The following SERPINE2 variants were observed in gnomAD, a reference collection of about 807,000 sequenced individuals.
SERPINE2 encodes the protein serpin family E member 2, also known as glia-derived nexin.
In SERPINE2, 14 loss-of-function variants were observed where a neutral mutation model predicts 36.3. The ratio of observed to expected loss-of-function variants is 0.39; its 90% CI spans 0.25 to 0.60. The LOEUF (loss-of-function observed/expected upper bound fraction) is 0.60, where lower values mean the gene tolerates loss of function less well. Among genes scored for constraint, SERPINE2 ranks in the 20% least tolerant of loss-of-function variants. SERPINE2 has a pLI of 0.57. For missense variants in SERPINE2, 418 were observed against 499.6 expected (o/e 0.84, Z 1.56); for synonymous variants, 192 against 191.8 (o/e 1.00, Z -0.01).
At chr2:223,996,859 T>C (rs1383317027) in intron 3 of SERPINE2, among the ~76,000 whole-genome samples, 2 of 152,170 alleles carry the variant, frequency 1.3e-5, no homozygotes, top group African/African-American at 4.8e-5. Context: ...AGAGGACTGC[T>C]TGAACCCAAG....
Position 223,982,654 on chromosome 2 carries a change from T to C in SERPINE2, c.985+27A>G, listed in dbSNP as rs776091860. ...CAGTTTGTAACACTTTCTTCAAGTA[T>C]ACAAATACATTTTAAATTGAACATA... is the stretch of plus-strand genomic sequence containing the variant. On this transcript the variant is annotated intron_variant, in intron 6 of 8. Transcript: ENST00000409304. 1.9e-5 allele frequency: 26 copies of C among 1,358,138 alleles called. 2 individuals are homozygous for C. The highest frequency in any genetic ancestry group is 1.1e-6 in the Non-Finnish European group (1 of 949,740). 84.1% of individuals were successfully genotyped at this position (1,358,138 alleles called of 1,614,324 possible). A position where few individuals can be genotyped will look rare whatever the true frequency, so the allele number is the denominator to read the frequency against.
intron 3 of SERPINE2, among the ~76,000 whole-genome samples, chr2:223,993,660 T>A (rs1156290891): frequency 2.6e-5 from 4 of 152,064 alleles, no homozygotes; most frequent in African/African-American, 9.7e-5. Flanking sequence ...AATATCTAAT[T>A]CAGGGGTGAG....
At chr2:224,017,117 T>C (rs1315037643) in intron 1 of SERPINE2, among the ~76,000 whole-genome samples, 1 of 152,186 alleles carries the variant, frequency 6.6e-6, no homozygotes. Flanking sequence ...CACACCCCAG[T>C]GAGTACCTGT....
chr2:223,992,065 A>G, intron 3 of SERPINE2, 65 bp from the exon 4 acceptor site: 2 of 1,371,414 alleles, frequency 1.5e-6, no homozygotes, highest in Non-Finnish European at 2.1e-6. Context: ...TTGAGGGCAA[A>G]TGGCAGCTGT....
chr2:224,030,110 C>T (rs1341095801), intron 1 of SERPINE2: 1 of 985,332 alleles, frequency 1.0e-6, no homozygotes, highest in African/African-American at 1.7e-5. Flanking sequence ...GGTAACACTG[C>T]TGTTTACATC....
rs1233725772 is a variant in SERPINE2 at position 224,039,007 on chromosome 2, G to T, written c.-23+92C>A. 6.6e-6 allele frequency: 1 copy of T among 152,356 alleles called. No homozygotes were observed. The highest frequency in any genetic ancestry group is 2.4e-5 in the African/African-American group (1 of 41,400). The allele number at this position is 152,356 out of a possible 1,614,324, so 9.4% of individuals were successfully genotyped here. On this transcript the variant is annotated intron_variant, in intron 1 of 8. Coordinates refer to ENST00000409304, the MANE Select transcript of SERPINE2 (RefSeq NM_001136528.2). The surrounding 1 kb of genome is among the most constrained non-coding windows in gnomAD (Gnocchi z 5.2). The stretch of plus-strand genomic sequence containing the variant: ...TCCCGGCCGGGCGCAAGGTCAGGGA[G>T]CAGGGCCGGTGGCGCGCGGAGCCCC...
intron 1 of SERPINE2, among the ~76,000 whole-genome samples, chr2:224,034,954 A>G (rs1175928051): frequency 6.6e-6 from 1 of 152,244 alleles, no homozygotes; most frequent in Non-Finnish European, 1.5e-5. Flanking sequence ...CGGAGAGCTC[A>G]TCTTTCAATC....
At chr2:223,994,095 A>G (rs1012743842) in intron 3 of SERPINE2, among the ~76,000 whole-genome samples, 22 of 152,138 alleles carry the variant, frequency 1.4e-4, no homozygotes, top group African/African-American at 5.3e-4. Flanking sequence ...CATCCTCGCC[A>G]CCTCCTAAGA....
At chr2:223,980,265 T>C (rs1449103536) in intron 7 of SERPINE2, 46 bp downstream of exon 7, 2 of 1,468,266 alleles carry the variant, frequency 1.4e-6, no homozygotes, top group Non-Finnish European at 9.5e-7. Flanking sequence ...AGGAATGTGT[T>C]TGCTCCCCTG....
At chr2:223,993,555 T>C (rs1411100012) in intron 3 of SERPINE2, among the ~76,000 whole-genome samples, 3 of 151,948 alleles carry the variant, frequency 2.0e-5, no homozygotes, top group Admixed American at 2.0e-4. Flanking sequence ...TGTGTGTGTG[T>C]GTGTATGTGT....
At chr2:224,029,843 C>T (rs985138314) in intron 1 of SERPINE2, among the ~76,000 whole-genome samples, 5 of 152,162 alleles carry the variant, frequency 3.3e-5, no homozygotes, top group Non-Finnish European at 5.9e-5. Context: ...GGATTACGGG[C>T]GTGCGTCACC....
intron 1 of SERPINE2, chr2:224,030,113 T>C: frequency 3.0e-6 from 3 of 985,430 alleles, no homozygotes; most frequent in Non-Finnish European, 3.6e-6. Context: ...AACACTGCTG[T>C]TTACATCTCA....
At chr2:224,038,821 C>T in intron 1 of SERPINE2, 1 of 375,698 alleles carries the variant, frequency 2.7e-6, no homozygotes, top group Non-Finnish European at 4.7e-6. Flanking sequence ...CACCCCGGGG[C>T]GGCCCCGCCT....
chr2:223,985,449 T>G (rs912549337), intron 4 of SERPINE2, among the ~76,000 whole-genome samples: 5 of 152,212 alleles, frequency 3.3e-5, no homozygotes, highest in Non-Finnish European at 7.3e-5. Context: ...TTGCTGTTTT[T>G]GGGACAAGAG....
At chr2:223,983,070 A>T (rs144836779) in intron 5 of SERPINE2, among the ~76,000 whole-genome samples, 1 of 152,202 alleles carries the variant, frequency 6.6e-6, no homozygotes, top group Non-Finnish European at 1.5e-5. Flanking sequence ...ATCTACAAAC[A>T]TACTTTCTTT....
rs1176507342 is a variant in SERPINE2, at chr2:223,998,351, GA to G, written c.260-10del. The G allele has an allele frequency of 1.9e-6, 3 of 1,583,398 alleles. No homozygotes were observed. Among genetic ancestry groups the G allele is most frequent in the Non-Finnish European group, 2.6e-6 (3 of 1,152,432 alleles). ...TAATATTTTACCAACTCCTAAAAGA[GA>G]AATCAGAAGATACAGCAATACTTCC... On this transcript the variant is annotated splice_polypyrimidine_tract_variant and intron_variant, in intron 2 of 8. Transcript: ENST00000409304.
intron 8 of SERPINE2, 130 bp downstream of exon 8, chr2:223,977,414 T>C: frequency 2.9e-6 from 2 of 680,512 alleles, no homozygotes; most frequent in Non-Finnish European, 5.4e-6. Flanking sequence ...GGTTATATTA[T>C]TCAAAGTGTC....
chr2:224,006,874 C>T (rs1691445075), intron 1 of SERPINE2, among the ~76,000 whole-genome samples: 1 of 152,174 alleles, frequency 6.6e-6, no homozygotes, highest in African/African-American at 2.4e-5. Context: ...CAGACGCCAC[C>T]CCTTATGGGC....
chr2:224,024,979 T>C (rs371194682), intron 1 of SERPINE2, among the ~76,000 whole-genome samples: 16 of 152,260 alleles, frequency 1.1e-4, no homozygotes, highest in East Asian at 5.8e-4. Flanking sequence ...ATGGAGACAA[T>C]GATCCCCAAC....
Sources: gnomAD v4.1 joint callset for allele counts (sites outside exome capture counted in the v4.1 genomes callset) on GRCh38, gnomAD v4.1.1 for gene constraint, Gnocchi (gnomAD v3.1) non-coding constraint, MANE v1.5 for transcripts, NCBI Gene and HGNC (gene_info 2026-07-23, HGNC 2026-07-21) for gene names.